The following ARHGEF37 variants were observed in gnomAD, a reference collection of about 807,000 sequenced individuals.
ARHGEF37 encodes Rho guanine nucleotide exchange factor 37, also known as Rho guanine nucleotide exchange factor (GEF) 37.
ARHGEF37 carries 55 observed loss-of-function variants against 71.1 expected under a neutral mutation model. The observed-to-expected ratio is 0.77, with a 90% CI of 0.62 to 0.97. ARHGEF37 has a LOEUF of 0.97. ARHGEF37 is among the 50% of genes least tolerant of loss of function. The pLI is 0.00. For synonymous variants in ARHGEF37, 327 were observed against 350.6 expected, an observed-to-expected ratio of 0.93 and a Z score of 0.75; for missense variants, 765 against 836.8, an observed-to-expected ratio of 0.91 and a Z score of 1.06.
At chr5:149,620,847 A>G (rs1736608666) in intron 8 of ARHGEF37, among the ~76,000 whole-genome samples, 1 of 151,740 alleles carries the variant, frequency 6.6e-6, no homozygotes, top group South Asian at 2.1e-4. Context: ...GAAGTCAGGC[A>G]CTTTACACAA....
At chr5:149,563,432 A>G (rs1762861227) in intron 1 of ARHGEF37, among the ~76,000 whole-genome samples, 1 of 152,188 alleles carries the variant, frequency 6.6e-6, no homozygotes, top group Non-Finnish European at 1.5e-5. Context: ...TATGCAAGCC[A>G]TGTTTTGATG....
chr5:149,600,786 C>G (rs1681663384), intron 2 of ARHGEF37, among the ~76,000 whole-genome samples: 1 of 152,008 alleles, frequency 6.6e-6, no homozygotes, highest in Non-Finnish European at 1.5e-5. Flanking sequence ...ATTACAAGCA[C>G]CCACCACCAT....
At chr5:149,607,415 A>G (rs544517004) in intron 3 of ARHGEF37, among the ~76,000 whole-genome samples, 1 of 152,262 alleles carries the variant, frequency 6.6e-6, no homozygotes, top group South Asian at 2.1e-4. Context: ...TCTGGTAGAC[A>G]TTCACATCTT....
At chr5:149,580,080 G>C (rs988127153), upstream of ARHGEF37, among the ~76,000 whole-genome samples, 1 of 151,072 alleles carries the variant, frequency 6.6e-6, no homozygotes, top group African/African-American at 2.4e-5. Context: ...TTTCTTTTTC[G>C]AGACGGAGTC....
chr5:149,634,588 T>C lies in ARHGEF37; in HGVS notation c.*2397T>C, dbSNP rs1417864107. The stretch of plus-strand genomic sequence containing the variant: ...AGTCACTGAAGAGTGGGAAAATGCA[T>C]GTTGAGAAGATGAGAATGGCCTGTA... On this transcript the variant is annotated 3_prime_UTR_variant, in exon 13 of 13. Coordinates refer to ENST00000333677, the MANE Select transcript of ARHGEF37 (RefSeq NM_001001669.3). 2.0e-5 allele frequency: 3 copies of C among 152,616 alleles called. No individual in the cohort carries two copies. Among genetic ancestry groups the C allele is most frequent in the Non-Finnish European group, 4.4e-5 (3 of 68,044 alleles). 9.5% of individuals were successfully genotyped at this position (152,616 alleles called of 1,614,324 possible).
At chr5:149,607,073 G>T (rs1456245944) in intron 3 of ARHGEF37, among the ~76,000 whole-genome samples, 1 of 152,050 alleles carries the variant, frequency 6.6e-6, no homozygotes, top group African/African-American at 2.4e-5. Context: ...GCTAATTTTT[G>T]TATTTTTTTA....
At chr5:149,573,857 A>G (rs1762998211) in intron 1 of ARHGEF37, among the ~76,000 whole-genome samples, 2 of 152,178 alleles carry the variant, frequency 1.3e-5, no homozygotes, top group Non-Finnish European at 1.5e-5. Context: ...GTCAATACTC[A>G]TAGATTAACC....
At chr5:149,580,507 C>T (rs950881927), upstream of ARHGEF37, among the ~76,000 whole-genome samples, 1 of 152,076 alleles carries the variant, frequency 6.6e-6, no homozygotes, top group Non-Finnish European at 1.5e-5. Context: ...CTCAGATAGT[C>T]TGAATTCGAA....
Position 149,621,853 on chromosome 5 carries a change from G to A in ARHGEF37, c.1126G>A (p.Glu376Lys). The A allele has an allele frequency of 1.2e-6, 2 of 1,614,274 alleles. No homozygotes were observed. The highest frequency in any genetic ancestry group is 1.7e-6 in the Non-Finnish European group (2 of 1,180,048). The change falls in exon 9 of 13, where the codon GAG becomes AAG. Residue 376 changes from glutamate to lysine, a missense_variant. Around this residue, in one of 5 missense-constraint regions of ARHGEF37, gnomAD observed 390 missense variants for 407.4 expected, o/e 0.96. Coordinates refer to ENST00000333677, the MANE Select transcript of ARHGEF37 (RefSeq NM_001001669.3). ...GCTACTGGACTTTGAGCGGGTGGAA[G>A]AGAAGCTGCTGGAGGTGGGCAGTGT... ...DKLLDFERVEEKLLEVGSVTY... is the reference protein window; with the variant it reads ...DKLLDFERVEKKLLEVGSVTY...
Position 149,622,058 on chromosome 5 carries a change from C to T in ARHGEF37, c.1331C>T (p.Ala444Val). ...QVLQRAEGSM[A>V]QLPHHHVPEP... ...CTGCAGAGGGCAGAGGGAAGCATGG[C>T]CCAGGTAAGGCCTCTGAGACTTGGA... The change falls in exon 9 of 13, where the codon GCC becomes GTC. Residue 444 changes from alanine (A) to valine (V), a missense_variant. This residue lies in a region of ARHGEF37 where 390 missense variants were observed against 407.4 expected (regional missense o/e 0.96). Coordinates refer to ENST00000333677, the MANE Select transcript of ARHGEF37 (RefSeq NM_001001669.3). The T allele has an allele frequency of 6.2e-7, 1 of 1,605,852 alleles. No individual in the cohort carries two copies. The highest frequency in any genetic ancestry group is 8.5e-7 in the Non-Finnish European group (1 of 1,175,296).
intron 1 of ARHGEF37, among the ~76,000 whole-genome samples, chr5:149,568,811 CA>C (rs748620450): frequency 0.14 from 7,886 of 57,362 alleles, 407 homozygotes; most frequent in East Asian, 0.46. Flanking sequence ...GACTCCATCT[CA>C]AAAAAAAAAA....
chr5:149,616,232 C>G (rs1752372250), intron 4 of ARHGEF37, among the ~76,000 whole-genome samples: 1 of 152,098 alleles, frequency 6.6e-6, no homozygotes, highest in Admixed American at 6.6e-5. Flanking sequence ...TGAGGAGAAG[C>G]AGGACAGAGG....
intron 1 of ARHGEF37, 67 bp from the exon 2 acceptor site, chr5:149,597,692 G>T (rs1343324993): frequency 2.1e-6 from 3 of 1,398,700 alleles, no homozygotes; most frequent in East Asian, 5.1e-5. Flanking sequence ...AATTGTCATT[G>T]AATTAGAGAC....
At chr5:149,630,302 C>A (rs540756403) in intron 12 of ARHGEF37, among the ~76,000 whole-genome samples, 1 of 152,230 alleles carries the variant, frequency 6.6e-6, no homozygotes, top group African/African-American at 2.4e-5. Context: ...TGGGATGAGA[C>A]AGTAAAGCTG....
At chr5:149,586,443 A>T (rs1763240114) in intron 1 of ARHGEF37, among the ~76,000 whole-genome samples, 1 of 141,268 alleles carries the variant, frequency 7.1e-6, no homozygotes, top group African/African-American at 3.2e-5. Context: ...TTTAATTTTC[A>T]GTAGAGATGG....
At chr5:149,581,911 C>G (rs1763118556) in intron 1 of ARHGEF37, among the ~76,000 whole-genome samples, 1 of 152,212 alleles carries the variant, frequency 6.6e-6, no homozygotes, top group Non-Finnish European at 1.5e-5. Flanking sequence ...TCCTGTTTCT[C>G]TCTGCCTTCT....
intron 11 of ARHGEF37, among the ~76,000 whole-genome samples, chr5:149,627,579 A>G (rs1436478608): frequency 6.6e-6 from 1 of 152,264 alleles, no homozygotes; most frequent in Admixed American, 6.5e-5. Flanking sequence ...ACTGAGGTCA[A>G]CAGGGCTATA....
intron 7 of ARHGEF37, 119 bp downstream of exon 7, chr5:149,619,161 G>GACA: frequency 1.3e-6 from 1 of 779,896 alleles, no homozygotes; most frequent in Non-Finnish European, 2.3e-6. Flanking sequence ...AACCAGATGA[G>GACA]GTCATCCTGT....
intron 1 of ARHGEF37, among the ~76,000 whole-genome samples, chr5:149,572,401 G>C (rs1389212392): frequency 6.6e-6 from 1 of 152,134 alleles, no homozygotes; most frequent in Non-Finnish European, 1.5e-5. Context: ...ATTACCCAAG[G>C]ACTTTGCATT....
Sources: gnomAD v4.1 joint callset for allele counts (sites outside exome capture counted in the v4.1 genomes callset) on GRCh38, gnomAD v4.1.1 for gene constraint, gnomAD v4.1.1 regional missense constraint, MANE v1.5 for transcripts, NCBI Gene and HGNC (gene_info 2026-07-23, HGNC 2026-07-21) for gene names.